Variants in HTR2C observed in about 807,000 individuals in gnomAD.
HTR2C encodes 5-hydroxytryptamine receptor 2C.
In HTR2C, 5 loss-of-function variants were observed where a neutral mutation model predicts 21.0. The ratio of observed to expected loss-of-function variants is 0.24; its 90% confidence interval spans 0.12 to 0.50. The LOEUF (loss-of-function observed/expected upper bound fraction) is 0.50, where lower values mean the gene tolerates loss of function less well. HTR2C is among the 20% of genes least tolerant of loss of function. The probability of loss-of-function intolerance (pLI) is 0.98; values close to 1 mark genes in which losing one functional copy is unlikely to be tolerated. For synonymous variants in HTR2C, 150 were observed against 145.3 expected (o/e 1.03, Z -0.23); for missense variants, 271 against 371.2 (o/e 0.73, Z 2.22).
At chrX:114,682,340 T>TTA (rs1556413628) in intron 2 of HTR2C, among the ~76,000 whole-genome samples, 1 of 111,361 alleles carries the variant, frequency 9.0e-6, no homozygotes, top group Non-Finnish European at 1.9e-5. Context: ...CAATAACTTT[T>TTA]TATATATATT....
intron 4 of HTR2C, among the ~76,000 whole-genome samples, chrX:114,808,743 C>T (rs782808825): frequency 3.5e-4 from 39 of 111,491 alleles, no homozygotes; most frequent in Non-Finnish European, 6.4e-4. Flanking sequence ...TTTTGTATGA[C>T]TGTTTGCCAT....
intron 4 of HTR2C, among the ~76,000 whole-genome samples, chrX:114,806,178 C>G (rs1354082068): frequency 6.1e-5 from 6 of 98,130 alleles, no homozygotes; most frequent in African/African-American, 2.2e-4. Context: ...TATATACACC[C>G]TATATATACA....
At chrX:114,606,926 T>C (rs1254531845) in intron 1 of HTR2C, among the ~76,000 whole-genome samples, 4 of 108,868 alleles carry the variant, frequency 3.7e-5, no homozygotes, top group Non-Finnish European at 7.6e-5. Flanking sequence ...GGCCGTTTTA[T>C]AGGATTTGGG....
chrX:114,797,979 TAAGAAC>T (rs1239765263), intron 4 of HTR2C, among the ~76,000 whole-genome samples: 1 of 111,578 alleles, frequency 9.0e-6, no homozygotes, highest in Non-Finnish European at 1.9e-5. Flanking sequence ...CAAATTTTGG[TAAGAAC>T]ATTTGCTTAC....
At chrX:114,835,174 A>G (rs1174835120) in intron 4 of HTR2C, among the ~76,000 whole-genome samples, 6 of 98,796 alleles carry the variant, frequency 6.1e-5, no homozygotes, top group African/African-American at 2.2e-4. Context: ...GAATCTGACA[A>G]TTATGTGTCT....
At chrX:114,645,826 A>T (rs1475665212) in intron 2 of HTR2C, among the ~76,000 whole-genome samples, 1 of 112,182 alleles carries the variant, frequency 8.9e-6, no homozygotes, top group African/African-American at 3.2e-5. Flanking sequence ...ATTAGATAGG[A>T]TCATTATTCT....
intron 5 of HTR2C, among the ~76,000 whole-genome samples, chrX:114,902,671 C>T (rs1012513886): frequency 1.3e-4 from 14 of 110,279 alleles, no homozygotes; most frequent in East Asian, 2.8e-4. Flanking sequence ...AGTGCAGTGG[C>T]GGGATCTCGG....
chrX:114,749,453 C>CAAAAAAAAAAAAAAA (rs782652879), intron 4 of HTR2C, among the ~76,000 whole-genome samples: 12 of 41,904 alleles, frequency 2.9e-4, no homozygotes, highest in Admixed American at 4.7e-4. Flanking sequence ...GTCCATGTCT[C>CAAAAAAAAAAAAAAA]AAAAAAAAAA....
intron 4 of HTR2C, among the ~76,000 whole-genome samples, chrX:114,735,802 G>A (rs1556424323): frequency 8.9e-6 from 1 of 111,834 alleles, no homozygotes; most frequent in Non-Finnish European, 1.9e-5. Context: ...GCCAAAATCA[G>A]TCAAATAGAG....
intron 4 of HTR2C, among the ~76,000 whole-genome samples, chrX:114,763,751 C>T (rs2069906822): frequency 9.1e-6 from 1 of 110,241 alleles, no homozygotes; most frequent in Non-Finnish European, 1.9e-5. Context: ...AGATGAAGGC[C>T]TCCTTCCTCT....
At chrX:114,849,112 T>G (rs2070896034) in intron 5 of HTR2C, among the ~76,000 whole-genome samples, 1 of 112,280 alleles carries the variant, frequency 8.9e-6, no homozygotes, top group Non-Finnish European at 1.9e-5. Context: ...TGTAGATTGT[T>G]CTGCCTGTGT....
At chrX:114,637,064 T>C (rs933339783) in intron 2 of HTR2C, among the ~76,000 whole-genome samples, 3 of 111,835 alleles carry the variant, frequency 2.7e-5, no homozygotes, top group Non-Finnish European at 3.8e-5. Flanking sequence ...TAAGTGAATT[T>C]TAAGTGTTAA....
chrX:114,673,848 T>G (rs1370504203), intron 2 of HTR2C, among the ~76,000 whole-genome samples: 1 of 111,976 alleles, frequency 8.9e-6, no homozygotes, highest in Non-Finnish European at 1.9e-5. Flanking sequence ...TTTTTTGCTA[T>G]AGACTGAAAC....
At chrX:114,774,896 ATCCCCCAGGCAT>A in intron 4 of HTR2C, 1 of 538,635 alleles carries the variant, frequency 1.9e-6, no homozygotes, top group Non-Finnish European at 3.4e-6. Context: ...CCACCAGGGA[ATCCCCCAGGCAT>A]TCCTCCAGGC....
chrX:114,711,736 A>C (rs1932894933), intron 2 of HTR2C, among the ~76,000 whole-genome samples: 1 of 111,624 alleles, frequency 9.0e-6, no homozygotes, highest in Admixed American at 9.6e-5. Context: ...AAATAGCTTA[A>C]CCTCTTTGAA....
At chrX:114,688,974 T>G (rs1932015113) in intron 2 of HTR2C, among the ~76,000 whole-genome samples, 1 of 109,111 alleles carries the variant, frequency 9.2e-6, no homozygotes, top group Admixed American at 9.9e-5. Context: ...AGACTTTTAT[T>G]CCTCGTGCCC....
chrX:114,617,272 T>C (rs1036687015), intron 2 of HTR2C, among the ~76,000 whole-genome samples: 3 of 111,162 alleles, frequency 2.7e-5, no homozygotes, highest in African/African-American at 9.8e-5. Flanking sequence ...GACTCCCATC[T>C]CTACAAAAAA....
chrX:114,612,882 G>A (rs1298213621), intron 1 of HTR2C, among the ~76,000 whole-genome samples: 2 of 110,654 alleles, frequency 1.8e-5, no homozygotes, highest in Non-Finnish European at 3.8e-5. Context: ...ATAAAAGAAT[G>A]GCTACTTCAT....
chrX:114,757,677 G>A (rs781889492), intron 4 of HTR2C, among the ~76,000 whole-genome samples: 3 of 111,309 alleles, frequency 2.7e-5, no homozygotes, highest in African/African-American at 6.5e-5. Flanking sequence ...TTTTTTCCTC[G>A]TCTGCTTAAA....
Sources: allele counts gnomAD v4.1 joint callset (sites outside exome capture counted in the v4.1 genomes callset), GRCh38; gene constraint gnomAD v4.1.1; transcripts MANE v1.5; gene names NCBI Gene and HGNC (gene_info 2026-07-23, HGNC 2026-07-21).